GK: variants seen among roughly 807,000 people sequenced by gnomAD.
The protein encoded by GK is ATP:glycerol 3-phosphotransferase.
A neutral mutation model predicts 56.4 loss-of-function variants in GK; 9 were observed. The ratio of observed to expected loss-of-function variants is 0.16; its 90% CI spans 0.10 to 0.28. The LOEUF (loss-of-function observed/expected upper bound fraction) is 0.28, where lower values mean the gene tolerates loss of function less well. Ranked by LOEUF, GK falls within the 10% of genes least tolerant of loss-of-function variation. GK has a pLI of 1.00. For synonymous variants in GK, 104 were observed against 144.1 expected (o/e 0.72, Z 1.99); for missense variants, 161 against 431.4 (o/e 0.37, Z 5.55).
At chrX:30,679,220 C>CTT (rs767736013) in intron 4 of GK, among the ~76,000 whole-genome samples, 9 of 95,697 alleles carry the variant, frequency 9.4e-5, no homozygotes, top group Admixed American at 2.3e-4. Context: ...AAATTCTGAG[C>CTT]TTTTTTTTTT....
chrX:30,654,063 T>G (rs1327745741), intron 1 of GK, among the ~76,000 whole-genome samples: 1 of 112,425 alleles, frequency 8.9e-6, no homozygotes, highest in East Asian at 2.8e-4. Flanking sequence ...ACAGCGTCCT[T>G]TCCAGCAGTA....
chrX:30,687,345 T>C (rs1934680198), intron 4 of GK, among the ~76,000 whole-genome samples: 1 of 111,750 alleles, frequency 8.9e-6, no homozygotes, highest in Admixed American at 9.5e-5. Flanking sequence ...CAGAGATTCA[T>C]ACTGGACTTC....
At chrX:30,654,540 C>T (rs1376180960) in intron 1 of GK, among the ~76,000 whole-genome samples, 1 of 110,659 alleles carries the variant, frequency 9.0e-6, no homozygotes, top group Non-Finnish European at 1.9e-5. Flanking sequence ...GTCAGGAGTT[C>T]GAGACCAGCC....
intron 4 of GK, among the ~76,000 whole-genome samples, chrX:30,679,414 C>T (rs761154384): frequency 4.5e-5 from 5 of 110,466 alleles, no homozygotes; most frequent in Non-Finnish European, 9.5e-5. Flanking sequence ...GACAGGGTTT[C>T]ACCATGTTGG....
intron 1 of GK, among the ~76,000 whole-genome samples, chrX:30,654,655 G>A (rs939645300): frequency 6.3e-5 from 7 of 110,926 alleles, no homozygotes; most frequent in East Asian, 2.8e-4. Context: ...CCCGGGAGGC[G>A]GAGGTTGCAG....
intron 19 of GK, among the ~76,000 whole-genome samples, chrX:30,726,582 C>G (rs1024480075): frequency 9.0e-6 from 1 of 111,528 alleles, no homozygotes; most frequent in Admixed American, 9.6e-5. Flanking sequence ...CCACTGCACC[C>G]GGCCTGAAAA....
At chrX:30,705,220 C>T (rs1167207218) in intron 11 of GK, among the ~76,000 whole-genome samples, 2 of 111,722 alleles carry the variant, frequency 1.8e-5, no homozygotes, top group Non-Finnish European at 3.8e-5. Flanking sequence ...TTAATTTCTC[C>T]CAACCTCAGC....
intron 4 of GK, among the ~76,000 whole-genome samples, chrX:30,679,577 T>TA (rs1423093810): frequency 8.9e-6 from 1 of 112,105 alleles, no homozygotes; most frequent in East Asian, 2.8e-4. Context: ...AAGCTGAAGT[T>TA]ATGCTTACAG....
chrX:30,688,718 G>A (rs1390487032), intron 4 of GK, among the ~76,000 whole-genome samples: 2 of 111,379 alleles, frequency 1.8e-5, no homozygotes, highest in Admixed American at 9.5e-5. Context: ...AACCACTGCC[G>A]TGAAGTCTAG....
chrX:30,662,824 T>C (rs1211722144), intron 1 of GK, among the ~76,000 whole-genome samples: 2 of 16,124 alleles, frequency 1.2e-4, no homozygotes, highest in African/African-American at 3.5e-4. Flanking sequence ...TCTCTCTCTC[T>C]CTCTCTCTCT....
At position 30,669,672 on chromosome X, in the gene GK, A is replaced by G. The variant is rs772172891; in HGVS notation, c.259+1554A>G. On this transcript the variant is annotated intron_variant, in intron 3 of 20. Coordinates refer to ENST00000427190, the MANE Select transcript of GK (RefSeq NM_001205019.2). The stretch of plus-strand genomic sequence containing the variant: ...AGGGCTCTTTTTTTCCTCCTTAGGT[A>G]GTTTGACTATAGATAGAGAGAACAT... Among the ~76,000 whole-genome samples, 4 of 111,609 alleles carry G rather than the reference A, an allele frequency of 3.6e-5. No homozygotes were observed. In the South Asian group the frequency reaches 1.5e-3, roughly 42 times the overall value.
intron 10 of GK, 73 bp from the exon 11 acceptor site, chrX:30,700,765 C>T: frequency 1.9e-6 from 1 of 527,681 alleles, no homozygotes. Flanking sequence ...ATGAAAAATC[C>T]TATGGCTCTT....
At chrX:30,675,433 A>T (rs765363960) in intron 3 of GK, among the ~76,000 whole-genome samples, 1 of 108,278 alleles carries the variant, frequency 9.2e-6, no homozygotes, top group African/African-American at 3.4e-5. Context: ...TCCTGACCTC[A>T]GGATCCACCC....
intron 13 of GK, among the ~76,000 whole-genome samples, chrX:30,713,428 C>T (rs932954422): frequency 3.6e-5 from 4 of 111,600 alleles, no homozygotes; most frequent in African/African-American, 1.3e-4. Flanking sequence ...TCTTTTATAT[C>T]GTGTCTGTTA....
At position 30,706,458 on chromosome X, in the gene GK, G is replaced by A. The variant is rs765236635; in HGVS notation, c.852-1098G>A. On this transcript the variant is annotated intron_variant, in intron 11 of 20. Coordinates refer to ENST00000427190, the MANE Select transcript of GK (RefSeq NM_001205019.2). ...ACAGTTAGAACCCTGGTGGTGCAGGGCACAGCAGCAAGGCCCACGGGGAAG... is the reference window on the plus strand; with the variant it reads ...ACAGTTAGAACCCTGGTGGTGCAGGACACAGCAGCAAGGCCCACGGGGAAG... 9.0e-5 allele frequency among the ~76,000 whole-genome samples: 10 copies of A among 111,604 alleles called. No homozygotes were observed. The South Asian group carries it at 3.8e-3, about 42-fold the overall frequency.
chrX:30,720,737 A>C lies in GK; in HGVS notation c.1353A>C (p.Pro451=). The change falls in exon 17 of 21, where the codon CCA becomes CCC. Residue 451 remains proline (P), a synonymous_variant. Transcript: ENST00000427190. Reference sequence around the variant, plus strand: ...TACAAGCAGACATTCTGTATATACCAGTAGGTTAGTAAGTCTTCATTCCTT... The same window carrying C: ...TACAAGCAGACATTCTGTATATACCCGTAGGTTAGTAAGTCTTCATTCCTT... ...MQLQADILYI[P]VVKPSMPETT... The C allele has an allele frequency of 8.3e-7, 1 of 1,209,939 alleles. No homozygotes were observed. The highest frequency in any genetic ancestry group is 1.1e-6 in the Non-Finnish European group (1 of 893,651).
intron 19 of GK, among the ~76,000 whole-genome samples, chrX:30,726,963 C>G (rs924644357): frequency 2.7e-5 from 3 of 112,040 alleles, no homozygotes; most frequent in African/African-American, 9.7e-5. Context: ...TTGTCAGGTG[C>G]ATTTTGTTAC....
chrX:30,658,652 C>T (rs1258175585), intron 1 of GK, among the ~76,000 whole-genome samples: 2 of 112,488 alleles, frequency 1.8e-5, no homozygotes, highest in Non-Finnish European at 3.8e-5. Flanking sequence ...TCTTTCTCCA[C>T]TACATTTGCT....
chrX:30,696,696 C>CA lies in GK; in HGVS notation c.729+16dup. The CA allele has an allele frequency of 8.7e-7, 1 of 1,145,235 alleles. No individual in the cohort carries two copies. The highest frequency in any genetic ancestry group is 1.2e-6 in the Non-Finnish European group (1 of 838,280). The allele number at this position is 1,145,235 out of a possible 1,213,427, so 94.4% of individuals were successfully genotyped here. A position where few individuals can be genotyped will look rare whatever the true frequency, so the allele number is the denominator to read the frequency against. ...CTATGGCCTAATGGTAAAAAACAAACAAACAAACAAAAAACACACCAAAAA... is the reference window on the plus strand; with the variant it reads ...CTATGGCCTAATGGTAAAAAACAAACAAAACAAACAAAAAACACACCAAAAA... On this transcript the variant is annotated intron_variant, in intron 8 of 20. Transcript: ENST00000427190.
Sources: gnomAD v4.1 joint callset for allele counts (sites outside exome capture counted in the v4.1 genomes callset) on GRCh38, gnomAD v4.1.1 for gene constraint, MANE v1.5 for transcripts, NCBI Gene and HGNC (gene_info 2026-07-23, HGNC 2026-07-21) for gene names.